The following CNTN4 variants were observed in gnomAD, a reference collection of about 807,000 sequenced individuals.
CNTN4 encodes contactin-4.
Under a neutral mutation model 122.5 loss-of-function variants are expected in CNTN4, and 77 were observed. The observed-to-expected ratio is 0.63, with a 90% CI of 0.52 to 0.76. The LOEUF (loss-of-function observed/expected upper bound fraction) is 0.76, where lower values mean the gene tolerates loss of function less well. Among genes scored for constraint, CNTN4 ranks in the 30% least tolerant of loss-of-function variants. The pLI is 0.00. For missense variants in CNTN4, 1,256 were observed against 1,259.1 expected (o/e 1.00, Z 0.04); for synonymous variants, 512 against 447.0 (o/e 1.15, Z -1.83).
At chr3:2,359,598 G>A (rs981298379) in intron 3 of CNTN4, among the ~76,000 whole-genome samples, 1 of 152,070 alleles carries the variant, frequency 6.6e-6, no homozygotes, top group Non-Finnish European at 1.5e-5. Flanking sequence ...GGAGTGCAGT[G>A]GCAGGATCTA....
At chr3:2,493,270 A>G (rs929696250) in intron 3 of CNTN4, among the ~76,000 whole-genome samples, 1 of 152,012 alleles carries the variant, frequency 6.6e-6, no homozygotes, top group Non-Finnish European at 1.5e-5. Context: ...ACTCAATGGG[A>G]CTACCCTAAT....
At chr3:2,854,399 A>G (rs749165563) in intron 7 of CNTN4, among the ~76,000 whole-genome samples, 1 of 149,892 alleles carries the variant, frequency 6.7e-6, no homozygotes, top group Middle Eastern at 3.4e-3. Flanking sequence ...CAGCCTCCCA[A>G]TTAGTTGGGA....
chr3:2,545,617 CTT>C (rs545099083), intron 3 of CNTN4, among the ~76,000 whole-genome samples: 12 of 140,062 alleles, frequency 8.6e-5, no homozygotes, highest in East Asian at 2.1e-4. Flanking sequence ...TATGTAATGC[CTT>C]TTTTTTTTTT....
chr3:3,040,523 C>A, intron 20 of CNTN4: 1 of 534,058 alleles, frequency 1.9e-6, no homozygotes, highest in Non-Finnish European at 3.4e-6. Flanking sequence ...ATTGCAAATA[C>A]CATATAAGAT....
intron 2 of CNTN4, among the ~76,000 whole-genome samples, chr3:2,325,260 A>T (rs2043412768): frequency 6.6e-6 from 1 of 152,214 alleles, no homozygotes; most frequent in Non-Finnish European, 1.5e-5. Flanking sequence ...ATTTACAAAA[A>T]TGTAGAACAT....
chr3:2,721,279 T>C (rs753866281), intron 4 of CNTN4, among the ~76,000 whole-genome samples: 2 of 152,040 alleles, frequency 1.3e-5, no homozygotes, highest in Non-Finnish European at 2.9e-5. Flanking sequence ...GCCAAGATAA[T>C]TGGTTTAGAA....
intron 6 of CNTN4, among the ~76,000 whole-genome samples, chr3:2,806,163 A>T (rs2092463929): frequency 6.6e-6 from 1 of 152,144 alleles, no homozygotes; most frequent in South Asian, 2.1e-4. Flanking sequence ...GGCCTCCCAA[A>T]GTGCTGGGAT....
At chr3:2,432,662 G>GTA (rs929629235) in intron 3 of CNTN4, among the ~76,000 whole-genome samples, 2 of 151,736 alleles carry the variant, frequency 1.3e-5, no homozygotes. Context: ...ATATGTGTGT[G>GTA]TATATATATG....
chr3:2,446,447 T>A (rs1272161325), intron 3 of CNTN4, among the ~76,000 whole-genome samples: 1 of 152,222 alleles, frequency 6.6e-6, no homozygotes, highest in Non-Finnish European at 1.5e-5. Flanking sequence ...ATTTTGTCAC[T>A]GTCCCATTTA....
chr3:2,314,406 G>A (rs1322445467), intron 2 of CNTN4, among the ~76,000 whole-genome samples: 9 of 151,820 alleles, frequency 5.9e-5, no homozygotes, highest in Non-Finnish European at 1.3e-4. Context: ...CAAATGAAAA[G>A]GTCAAGAAAC....
chr3:2,255,652 C>G (rs562934337), intron 2 of CNTN4, among the ~76,000 whole-genome samples: 14 of 152,268 alleles, frequency 9.2e-5, no homozygotes, highest in African/African-American at 2.9e-4. Flanking sequence ...AACCGCACAA[C>G]TACATGGAAA....
At chr3:2,108,252 T>C (rs935866734) in intron 2 of CNTN4, among the ~76,000 whole-genome samples, 1 of 151,798 alleles carries the variant, frequency 6.6e-6, no homozygotes, top group African/African-American at 2.4e-5. Context: ...TTTATTACAG[T>C]TTGCACAATG....
chr3:2,371,039 T>G (rs957712805), intron 3 of CNTN4, among the ~76,000 whole-genome samples: 2 of 152,228 alleles, frequency 1.3e-5, no homozygotes, highest in African/African-American at 4.8e-5. Flanking sequence ...TGTGAAGGTC[T>G]TTACTTGTTT....
chr3:2,245,017 A>G (rs937390869), intron 2 of CNTN4, among the ~76,000 whole-genome samples: 1 of 152,058 alleles, frequency 6.6e-6, no homozygotes, highest in African/African-American at 2.4e-5. Context: ...CTAACGTCAA[A>G]TAAACGGAGA....
chr3:2,150,137 A>C (rs2035431080), intron 2 of CNTN4, among the ~76,000 whole-genome samples: 1 of 152,188 alleles, frequency 6.6e-6, no homozygotes, highest in African/African-American at 2.4e-5. Context: ...TTATCCTTTA[A>C]GAAGCATTTA....
rs530155365 is a variant in CNTN4, at chr3:2,673,433, A to G, written c.56-62782A>G. 1.2e-4 allele frequency among the ~76,000 whole-genome samples: 18 copies of G among 152,158 alleles called. 1 individual carries two copies. The highest frequency in any genetic ancestry group is 4.1e-4 in the African/African-American group (17 of 41,520). ...GCAATGTGGCTTTCCTGCTCTTCCCATCAATAGGTGGACTCTTACTTCCCT... is the reference window on the plus strand; with the variant it reads ...GCAATGTGGCTTTCCTGCTCTTCCCGTCAATAGGTGGACTCTTACTTCCCT... On this transcript the variant is annotated intron_variant, in intron 4 of 24. Transcript: ENST00000418658.
intron 4 of CNTN4, among the ~76,000 whole-genome samples, chr3:2,735,330 A>T (rs1467227759): frequency 6.6e-6 from 1 of 152,240 alleles, no homozygotes; most frequent in Non-Finnish European, 1.5e-5. Context: ...TTGTGTGCAT[A>T]GTCTAGAAGC....
intron 3 of CNTN4, among the ~76,000 whole-genome samples, chr3:2,355,177 C>T (rs976912910): frequency 1.3e-5 from 2 of 152,160 alleles, no homozygotes; most frequent in African/African-American, 4.8e-5. Flanking sequence ...AACTTCTGAC[C>T]TGTGTCAAAG....
intron 3 of CNTN4, among the ~76,000 whole-genome samples, chr3:2,463,081 T>G (rs1029165373): frequency 1.3e-5 from 2 of 152,164 alleles, no homozygotes; most frequent in Non-Finnish European, 2.9e-5. Context: ...ACGCGGTGTC[T>G]TTTTACCTTT....
Sources: allele counts gnomAD v4.1 joint callset (sites outside exome capture counted in the v4.1 genomes callset), GRCh38; gene constraint gnomAD v4.1.1; transcripts MANE v1.5; gene names NCBI Gene and HGNC (gene_info 2026-07-23, HGNC 2026-07-21).